TASP1: variants seen among roughly 807,000 people sequenced by gnomAD.
The protein encoded by TASP1 is threonine aspartase 1.
TASP1 carries 16 observed loss-of-function variants against 56.6 expected under a neutral mutation model. That is an observed-to-expected ratio of 0.28 (90% confidence interval 0.19 to 0.43). The LOEUF (loss-of-function observed/expected upper bound fraction) is 0.43, where lower values mean the gene tolerates loss of function less well. Among genes scored for constraint, TASP1 ranks in the 20% least tolerant of loss-of-function variants. The pLI is 1.00. For synonymous variants in TASP1, 179 were observed against 184.2 expected (o/e 0.97, Z 0.23); for missense variants, 393 against 511.6 (o/e 0.77, Z 2.24).
chr20:13,295,475 C>T, the TASP1 span, among the ~76,000 whole-genome samples: 2 of 152,160 alleles, frequency 1.3e-5, no homozygotes, highest in Non-Finnish European at 2.9e-5. Context: ...CAGATTTTTT[C>T]CTGCATAACC....
chr20:13,299,082 C>G, the TASP1 span: 1 of 1,613,778 alleles, frequency 6.2e-7, no homozygotes, highest in Non-Finnish European at 8.5e-7. The surrounding 1 kb of genome is among the most constrained non-coding windows in gnomAD (Gnocchi z 5.8). Flanking sequence ...CATCTTCGAC[C>G]GCATCAAGCG....
the TASP1 span, among the ~76,000 whole-genome samples, chr20:13,347,077 T>G: frequency 1.4e-4 from 22 of 152,256 alleles, no homozygotes; most frequent in African/African-American, 5.3e-4. Flanking sequence ...TGAAACAGTA[T>G]GCATAGCATG....
intron 12 of TASP1, among the ~76,000 whole-genome samples, chr20:13,422,287 A>T (rs968171323): frequency 6.6e-6 from 1 of 152,196 alleles, no homozygotes; most frequent in African/African-American, 2.4e-5. Flanking sequence ...CTAGCCAAGA[A>T]GGGTTTAACG....
rs374414175 is a variant in TASP1 at position 13,590,435 on chromosome 20, G to A, written c.283-3065C>T. Among the ~76,000 whole-genome samples the A allele has an allele frequency of 9.9e-5, 15 of 152,076 alleles. No individual in the cohort carries two copies. The East Asian group carries it at 1.4e-3, about 14-fold the overall frequency. ...GAATAAATACCAAATAATAACAAAC[G>A]CAGAAATGACAACAATGACCGAATT... On this transcript the variant is annotated intron_variant, in intron 4 of 13. Coordinates refer to ENST00000337743, the MANE Select transcript of TASP1 (RefSeq NM_017714.3).
At chr20:13,561,945 C>T (rs2046357235) in intron 7 of TASP1, among the ~76,000 whole-genome samples, 3 of 152,074 alleles carry the variant, frequency 2.0e-5, no homozygotes, top group Admixed American at 2.0e-4. Context: ...CCAAGTAGAT[C>T]TAAAAGATAT....
At chr20:13,571,190 CA>C (rs2046700658) in intron 6 of TASP1, among the ~76,000 whole-genome samples, 1 of 152,130 alleles carries the variant, frequency 6.6e-6, no homozygotes, top group African/African-American at 2.4e-5. Flanking sequence ...CATAGGAAGG[CA>C]AATAGTTGGA....
At chr20:13,381,203 G>A in the TASP1 span, among the ~76,000 whole-genome samples, 3 of 152,186 alleles carry the variant, frequency 2.0e-5, no homozygotes, top group African/African-American at 7.2e-5. Context: ...GGCCCTGGTG[G>A]TATAGGCACC....
chr20:13,410,056 C>T (rs545734973), intron 13 of TASP1, among the ~76,000 whole-genome samples: 3 of 152,306 alleles, frequency 2.0e-5, no homozygotes, highest in East Asian at 1.9e-4. Context: ...AGCTCTCACA[C>T]GTAAGTGAGA....
intron 4 of TASP1, among the ~76,000 whole-genome samples, chr20:13,593,837 A>G (rs532443289): frequency 7.5e-4 from 114 of 152,170 alleles, no homozygotes; most frequent in Non-Finnish European, 1.2e-3. Flanking sequence ...TGATAGCTCT[A>G]AAGAGAGCAG....
chr20:13,465,505 A>T (rs1054827340), intron 11 of TASP1, among the ~76,000 whole-genome samples: 1 of 152,062 alleles, frequency 6.6e-6, no homozygotes, highest in Non-Finnish European at 1.5e-5. Context: ...AAATCTGTAC[A>T]CTAGCACTCA....
At chr20:13,198,984 C>T in the TASP1 span, among the ~76,000 whole-genome samples, 1 of 151,426 alleles carries the variant, frequency 6.6e-6, no homozygotes, top group Non-Finnish European at 1.5e-5. Flanking sequence ...CAACTCACTG[C>T]AGCCTCCAAC....
the TASP1 span, among the ~76,000 whole-genome samples, chr20:13,221,571 G>GCGGCGC: frequency 1.4e-5 from 2 of 145,412 alleles, no homozygotes; most frequent in African/African-American, 2.5e-5. Context: ...GGCGGCGGCG[G>GCGGCGC]CGGCGCCGGC....
chr20:13,517,649 A>T (rs1175472981), intron 10 of TASP1, among the ~76,000 whole-genome samples: 1 of 152,130 alleles, frequency 6.6e-6, no homozygotes, highest in Non-Finnish European at 1.5e-5. Flanking sequence ...GATACAAGTA[A>T]CATGTCGCAC....
chr20:13,548,179 G>A (rs1230268189), intron 8 of TASP1, among the ~76,000 whole-genome samples: 1 of 152,124 alleles, frequency 6.6e-6, no homozygotes, highest in East Asian at 1.9e-4. Flanking sequence ...TTATTCTTAA[G>A]AGCAGCTGGA....
At chr20:13,358,910 G>T in the TASP1 span, among the ~76,000 whole-genome samples, 1 of 151,036 alleles carries the variant, frequency 6.6e-6, no homozygotes, top group Non-Finnish European at 1.5e-5. Context: ...CCCCTTCTCT[G>T]CTTTTCTGGG....
intron 12 of TASP1, among the ~76,000 whole-genome samples, chr20:13,420,354 A>G (rs958343746): frequency 3.3e-5 from 5 of 152,246 alleles, no homozygotes; most frequent in African/African-American, 1.2e-4. Flanking sequence ...ATGGTTTTCA[A>G]TAAAATTTCT....
chr20:13,349,928 A>C, the TASP1 span, among the ~76,000 whole-genome samples: 2 of 152,238 alleles, frequency 1.3e-5, no homozygotes, highest in South Asian at 4.1e-4. Context: ...AGGCAGGAAG[A>C]TCTCTTGAGC....
At chr20:13,248,244 G>A in the TASP1 span, among the ~76,000 whole-genome samples, 12 of 152,078 alleles carry the variant, frequency 7.9e-5, no homozygotes, top group Non-Finnish European at 1.2e-4. Flanking sequence ...AACATTTCTT[G>A]TTGCTCCACT....
chr20:13,495,804 TAC>T (rs2146600493), intron 10 of TASP1, among the ~76,000 whole-genome samples: 1 of 152,320 alleles, frequency 6.6e-6, no homozygotes, highest in South Asian at 2.1e-4. Context: ...CAAGTTAACT[TAC>T]AGTTTTATTC....
Sources: allele counts gnomAD v4.1 joint callset (sites outside exome capture counted in the v4.1 genomes callset), GRCh38; gene constraint gnomAD v4.1.1; non-coding constraint Gnocchi (gnomAD v3.1); transcripts MANE v1.5; gene names NCBI Gene and HGNC (gene_info 2026-07-23, HGNC 2026-07-21).